SERPINB13: variants seen among roughly 807,000 people sequenced by gnomAD.
SERPINB13 encodes serpin family B member 13, also known as serpin B13.
In SERPINB13, 26 loss-of-function variants were observed where a neutral mutation model predicts 31.2. That is an observed-to-expected ratio of 0.83 (90% CI 0.61 to 1.15). The LOEUF (loss-of-function observed/expected upper bound fraction) is 1.15. SERPINB13 is among the 50% of genes most tolerant of loss of function. The probability of loss-of-function intolerance (pLI) is 0.00; values close to 1 mark genes in which losing one functional copy is unlikely to be tolerated. For missense variants in SERPINB13, 510 were observed against 469.4 expected, an observed-to-expected ratio of 1.09 and a Z score of -0.80; for synonymous variants, 191 against 172.4, an observed-to-expected ratio of 1.11 and a Z score of -0.85.
chr18:63,598,590 C>T lies in SERPINB13; in HGVS notation c.*1227C>T, dbSNP rs1190105000. The T allele has an allele frequency of 6.6e-6, 1 of 152,152 alleles. No individual in the cohort carries two copies. The highest frequency in any genetic ancestry group is 1.9e-4 in the East Asian group (1 of 5,204). 9.4% of individuals were successfully genotyped at this position (152,152 alleles called of 1,614,324 possible). A position where few individuals can be genotyped will look rare whatever the true frequency, so the allele number is the denominator to read the frequency against. On this transcript the variant is annotated 3_prime_UTR_variant, in exon 8 of 8. Coordinates refer to ENST00000344731, the MANE Select transcript of SERPINB13 (RefSeq NM_012397.4). Reference sequence around the variant, plus strand: ...TCATCTGTTGTAGTATGTATTGATACTTAATTTTTTTATTGCCGAATACTA... The same window carrying T: ...TCATCTGTTGTAGTATGTATTGATATTTAATTTTTTTATTGCCGAATACTA...
intron 4 of SERPINB13, 80 bp downstream of exon 4, chr18:63,592,556 A>T: frequency 7.1e-7 from 1 of 1,418,032 alleles, no homozygotes; most frequent in Non-Finnish European, 9.7e-7. Context: ...TGGGTCCTGA[A>T]GTCGTGCTGC....
At chr18:63,594,196 C>T in intron 5 of SERPINB13, 159 bp from the exon 6 acceptor site, 1 of 1,528,470 alleles carries the variant, frequency 6.5e-7, no homozygotes, top group South Asian at 1.2e-5. Flanking sequence ...GAGAACCTCC[C>T]CGTCGATTCT....
At chr18:63,593,142 G>A (rs1911956485) in intron 5 of SERPINB13, among the ~76,000 whole-genome samples, 171 bp downstream of exon 5, 1 of 152,200 alleles carries the variant, frequency 6.6e-6, no homozygotes, top group Admixed American at 6.5e-5. Context: ...TTGCAGGGTT[G>A]GAAGGGCAAG....
At chr18:63,592,787 A>G in intron 4 of SERPINB13, 67 bp from the exon 5 acceptor site, 1 of 1,018,016 alleles carries the variant, frequency 9.8e-7, no homozygotes, top group South Asian at 1.5e-5. Context: ...AAATTTATTT[A>G]GAGATGTTGG....
chr18:63,588,506 A>G (rs887552574), intron 1 of SERPINB13, 145 bp from the exon 2 acceptor site: 3 of 726,518 alleles, frequency 4.1e-6, no homozygotes, highest in African/African-American at 1.8e-5. Context: ...AGGACGTGAG[A>G]AGCAGGCAGC....
At chr18:63,594,998 T>G (rs1245632194) in intron 6 of SERPINB13, 31 bp from the exon 7 acceptor site, 3 of 1,579,986 alleles carry the variant, frequency 1.9e-6, no homozygotes, top group Non-Finnish European at 2.6e-6. Flanking sequence ...TTATGTCCTT[T>G]GATATTGTGT....
In SERPINB13 at chr18:63,596,968, A is replaced by G. The variant is rs1912205949; in HGVS notation, c.781A>G (p.Lys261Glu). Residue 261 changes from lysine to glutamate, a missense_variant, in exon 8 of 8, where the codon AAA (lysine) becomes GAA (glutamate). Physicochemically the swap from Lys to Glu is moderately conservative, Grantham distance 56. Transcript: ENST00000344731. ...DIDGLEKIID[K>E]ISPEKLVEWT... ...CTTTTTTTGAAAATAGATAATAGAT[A>G]AAATAAGTCCTGAGAAATTGGTAGA... The G allele has an allele frequency of 6.2e-7, 1 of 1,600,320 alleles. No homozygotes were observed. Among genetic ancestry groups the G allele is most frequent in the Non-Finnish European group, 8.5e-7 (1 of 1,172,744 alleles).
In SERPINB13 at chr18:63,598,231, T is replaced by C. The variant is rs1255381232; in HGVS notation, c.*868T>C. The stretch of plus-strand genomic sequence containing the variant: ...CTTAATTATTGGCTTGTTTCATTTT[T>C]TTCCTCCAGTTTTTAACAAGATCAC... On this transcript the variant is annotated 3_prime_UTR_variant, in exon 8 of 8. Transcript: ENST00000344731. 3 of 152,260 alleles carry C rather than the reference T, an allele frequency of 2.0e-5. No homozygotes were observed. In the East Asian group the frequency reaches 5.8e-4, roughly 29 times the overall value. 9.4% of individuals were successfully genotyped at this position (152,260 alleles called of 1,614,324 possible).
At chr18:63,595,452 T>C (rs1026037136) in intron 7 of SERPINB13, among the ~76,000 whole-genome samples, 1 of 152,216 alleles carries the variant, frequency 6.6e-6, no homozygotes, top group Admixed American at 6.5e-5. Context: ...TGAGAAATGG[T>C]TGGTATCTAT....
At chr18:63,593,016 G>GAAAC (rs757922754) in intron 5 of SERPINB13, 45 bp downstream of exon 5, 4 of 1,269,990 alleles carry the variant, frequency 3.1e-6, no homozygotes. Context: ...CAAAAACAAA[G>GAAAC]AAACAAACAA....
At chr18:63,596,892 C>A in intron 7 of SERPINB13, 67 bp from the exon 8 acceptor site, 1 of 1,265,092 alleles carries the variant, frequency 7.9e-7, no homozygotes, top group Admixed American at 2.3e-5. Context: ...TGACACAAAT[C>A]AGTGTTACAC....
At chr18:63,596,842 A>C in intron 7 of SERPINB13, 117 bp from the exon 8 acceptor site, 1 of 814,384 alleles carries the variant, frequency 1.2e-6, no homozygotes. Flanking sequence ...GTGAAATAAA[A>C]TTTCTACTTT....
chr18:63,592,824 C>A (rs1354665781), intron 4 of SERPINB13, 30 bp from the exon 5 acceptor site: 1 of 1,416,212 alleles, frequency 7.1e-7, no homozygotes, highest in African/African-American at 1.4e-5. Context: ...TTTTTAACCT[C>A]TTTTTATTCC....
At chr18:63,595,807 G>C (rs773084086) in intron 7 of SERPINB13, among the ~76,000 whole-genome samples, 9 of 152,106 alleles carry the variant, frequency 5.9e-5, no homozygotes, top group Non-Finnish European at 1.3e-4. Flanking sequence ...GCTGAGACAG[G>C]AGAATGGCGT....
chr18:63,597,217 G>T lies in SERPINB13; in HGVS notation c.1030G>T (p.Glu344Ter). The change falls in exon 8 of 8, where the codon GAG (glutamate) becomes TAG (stop). Residue 344 changes from glutamate (E) to a stop codon, truncating the protein, a stop_gained. Coordinates refer to ENST00000344731, the MANE Select transcript of SERPINB13 (RefSeq NM_012397.4). LOFTEE classifies it low-confidence loss of function (END_TRUNC). ...SFVAVTEEGT[E>*]AAAATGIGFT... ...TGTGGCAGTAACTGAGGAAGGCACC[G>T]AGGCTGCAGCTGCCACCGGCATAGG... 1 of 1,614,188 alleles carries T rather than the reference G, an allele frequency of 6.2e-7. No homozygotes were observed. The highest frequency in any genetic ancestry group is 8.5e-7 in the Non-Finnish European group (1 of 1,180,044).
rs1912279738 is a variant in SERPINB13, at chr18:63,597,843, A to C, written c.*480A>C. 1.3e-5 allele frequency: 2 copies of C among 154,076 alleles called. No homozygotes were observed. The highest frequency in any genetic ancestry group is 1.3e-4 in the Admixed American group (2 of 15,664). The allele number at this position is 154,076 out of a possible 1,614,324, so 9.5% of individuals were successfully genotyped here. On this transcript the variant is annotated 3_prime_UTR_variant, in exon 8 of 8. Transcript: ENST00000344731. The stretch of plus-strand genomic sequence containing the variant: ...AGGAAAGAGAATTTGGGAATACAGT[A>C]GCAAAACATAAATTAAAACTCAAAT...
intron 6 of SERPINB13, 117 bp from the exon 7 acceptor site, chr18:63,594,912 C>A: frequency 2.1e-6 from 2 of 943,348 alleles, no homozygotes; most frequent in Non-Finnish European, 3.1e-6. Context: ...CATTCTGAGA[C>A]TCTGATATTG....
rs779180292 is a variant in SERPINB13 at position 63,597,046 on chromosome 18, C to G, written c.859C>G (p.Arg287Gly). 3 of 1,614,096 alleles carry G rather than the reference C, an allele frequency of 1.9e-6. No individual in the cohort carries two copies. Among genetic ancestry groups the G allele is most frequent in the East Asian group, 2.2e-5 (1 of 44,888 alleles). ...EERKVNLHLP[R>G]FEVEDGYDLE... ...AAGAAAGGTGAATCTGCACTTGCCC[C>G]GGTTTGAGGTGGAGGACGGTTACGA... The change falls in exon 8 of 8, where the codon CGG becomes GGG. Residue 287 changes from arginine (R) to glycine (G), a missense_variant. Arg to Gly is a moderately radical substitution (Grantham distance 125). Coordinates refer to ENST00000344731, the MANE Select transcript of SERPINB13 (RefSeq NM_012397.4).
chr18:63,596,136 G>T (rs1298680155), intron 7 of SERPINB13, among the ~76,000 whole-genome samples: 2 of 152,108 alleles, frequency 1.3e-5, no homozygotes, highest in African/African-American at 4.8e-5. Flanking sequence ...ACGTAGCCTA[G>T]AAGGGGTCTA....
Sources: allele counts gnomAD v4.1 joint callset (sites outside exome capture counted in the v4.1 genomes callset), GRCh38; gene constraint gnomAD v4.1.1; transcripts MANE v1.5; gene names NCBI Gene and HGNC (gene_info 2026-07-23, HGNC 2026-07-21).